Variants in MYO1C observed in about 807,000 individuals in gnomAD.
MYO1C encodes the protein unconventional myosin-Ic.
Under a neutral mutation model 150.8 loss-of-function variants are expected in MYO1C, and 104 were observed. The ratio of observed to expected loss-of-function variants is 0.69; its 90% CI spans 0.59 to 0.81. The LOEUF is 0.81. Ranked by LOEUF, MYO1C falls within the 30% of genes least tolerant of loss-of-function variation. The pLI, the probability that MYO1C is intolerant of heterozygous loss-of-function variation, is 0.00. For missense variants in MYO1C, 1,504 were observed against 1,435.0 expected, an observed-to-expected ratio of 1.05 and a Z score of -0.78; for synonymous variants, 663 against 579.9, an observed-to-expected ratio of 1.14 and a Z score of -2.06.
At chr17:1,484,872 T>TTCCCCCCCCCCCCCCCCCC in intron 1 of MYO1C, 8 of 341,196 alleles carry the variant, frequency 2.3e-5, no homozygotes, top group East Asian at 9.1e-5. Flanking sequence ...GGGCCGTCTC[T>TTCCCCCCCCCCCCCCCCCC]CCCACCCAGA....
At chr17:1,471,019 C>G in intron 21 of MYO1C, 52 bp downstream of exon 21, 1 of 1,587,090 alleles carries the variant, frequency 6.3e-7, no homozygotes, top group Non-Finnish European at 8.6e-7. Flanking sequence ...AGTGACTTCC[C>G]TGCTTCCCAG....
chr17:1,467,262 T>C lies in MYO1C; in HGVS notation c.3145A>G (p.Lys1049Glu). ...PGSELLITKA[K>E]NGHLAVVAPR... ...CTCACCACAGCCAGGTGCCCGTTCTTGGCCTTGGTGATGAGCAGCTCCGAG... is the reference window on the plus strand; with the variant it reads ...CTCACCACAGCCAGGTGCCCGTTCTCGGCCTTGGTGATGAGCAGCTCCGAG... Residue 1049 changes from lysine to glutamate, a missense_variant, in exon 31 of 32, where the codon AAG becomes GAG. Coordinates refer to ENST00000648651, the MANE Select transcript of MYO1C (RefSeq NM_001080779.2). 6.2e-7 allele frequency: 1 copy of C among 1,613,258 alleles called. No individual in the cohort carries two copies. Among genetic ancestry groups the C allele is most frequent in the Non-Finnish European group, 8.5e-7 (1 of 1,179,688 alleles).
In MYO1C at chr17:1,480,602, G is replaced by A; in HGVS notation, c.831C>T (p.Ser277=). ...CCTTCCAGTCACTCTTGTCGTTGAT[G>A]GAGGAGACTTTGGCACACTGGCCCT... is the stretch of plus-strand genomic sequence containing the variant. The part of the protein sequence containing the change: ...LVKGQCAKVS[S]INDKSDWKVV... Residue 277 remains serine, a synonymous_variant, in exon 7 of 32, where the codon TCC becomes TCT. Transcript: ENST00000648651. 2 of 1,614,164 alleles carry A rather than the reference G, an allele frequency of 1.2e-6. No homozygotes were observed. Among genetic ancestry groups the A allele is most frequent in the South Asian group, 1.1e-5 (1 of 91,082 alleles).
intron 1 of MYO1C, chr17:1,491,760 C>T: frequency 1.7e-6 from 1 of 596,516 alleles, no homozygotes; most frequent in Non-Finnish European, 2.1e-6. Flanking sequence ...CCCCGCCCCG[C>T]CCCGCCTCAG....
Position 1,479,826 on chromosome 17 carries a change from G to T in MYO1C, c.907-121C>A. The T allele has an allele frequency of 1.4e-6, 1 of 700,824 alleles. No homozygotes were observed. Among genetic ancestry groups the T allele is most frequent in the Non-Finnish European group, 2.5e-6 (1 of 403,356 alleles). The allele number at this position is 700,824 out of a possible 1,614,324, so 43.4% of individuals were successfully genotyped here. A position where few individuals can be genotyped will look rare whatever the true frequency, so the allele number is the denominator to read the frequency against. ...TGTCGGAGAGAAGGGGCTGGAAGTG[G>T]GAATGGGTGTTAAAGGTGGAAGGTG... On this transcript the variant is annotated intron_variant, in intron 7 of 31. Coordinates refer to ENST00000648651, the MANE Select transcript of MYO1C (RefSeq NM_001080779.2). This position sits in a 1 kb window ranked among gnomAD's most constrained non-coding sequence, Gnocchi z 4.2.
rs774823617 is a variant in MYO1C at position 1,468,379 on chromosome 17, A to C, written c.2704+24T>G. ...GACCAGGATGGTGACGAAAGGTCTG[A>C]GTGCTGGAAAGTCAGGGGCTCACCA... On this transcript the variant is annotated intron_variant, in intron 26 of 31. Coordinates refer to ENST00000648651, the MANE Select transcript of MYO1C (RefSeq NM_001080779.2). 4 of 1,613,318 alleles carry C rather than the reference A, an allele frequency of 2.5e-6. No individual in the cohort carries two copies. In the African/African-American group the frequency reaches 5.3e-5, roughly 22 times the overall value.
chr17:1,470,721 A>G, intron 21 of MYO1C, 32 bp from the exon 22 acceptor site: 1 of 1,588,774 alleles, frequency 6.3e-7, no homozygotes, highest in Non-Finnish European at 8.5e-7. Context: ...AATTGGCCAG[A>G]GCGCGGGGAG....
intron 14 of MYO1C, among the ~76,000 whole-genome samples, chr17:1,475,469 C>T (rs746153643): frequency 7.9e-5 from 12 of 152,082 alleles, no homozygotes; most frequent in South Asian, 2.1e-4. Context: ...CTGATCAGAG[C>T]GGACCATGGA....
At chr17:1,491,795 G>T (rs1598352469) in intron 1 of MYO1C, 2 of 364,502 alleles carry the variant, frequency 5.5e-6, no homozygotes, top group African/African-American at 4.4e-5. Context: ...GCGAAGCCTC[G>T]GTGCGTGCGG....
At chr17:1,477,416 G>T in intron 14 of MYO1C, 89 bp downstream of exon 14, 1 of 1,191,588 alleles carries the variant, frequency 8.4e-7, no homozygotes, top group Non-Finnish European at 1.2e-6. Flanking sequence ...CTTGTGGCTG[G>T]TGTTTTGTGA....
At chr17:1,483,865 G>A in intron 2 of MYO1C, 140 bp from the exon 3 acceptor site, 1 of 739,266 alleles carries the variant, frequency 1.4e-6, no homozygotes, top group Non-Finnish European at 2.3e-6. Flanking sequence ...CCAACATGGA[G>A]AAATCCGTCT....
chr17:1,471,126 G>T lies in MYO1C; in HGVS notation c.2157C>A (p.Phe719Leu), dbSNP rs776806827. The T allele has an allele frequency of 5.6e-6, 9 of 1,614,038 alleles. No homozygotes were observed. In the East Asian group the frequency reaches 2.0e-4, roughly 36 times the overall value. The change falls in exon 21 of 32, where the codon TTC becomes TTA. Residue 719 changes from phenylalanine to leucine, a missense_variant. Transcript: ENST00000648651. Reference sequence around the variant, plus strand: ...CCTCTGTGGCAAACAGGGTCTTGGGGAAGCGGATGAAGATCTTGGTCCTGG... The same window carrying T: ...CCTCTGTGGCAAACAGGGTCTTGGGTAAGCGGATGAAGATCTTGGTCCTGG... ...KMGRTKIFIR[F>L]PKTLFATEDA...
At chr17:1,470,954 C>G in intron 21 of MYO1C, 117 bp downstream of exon 21, 1 of 1,173,236 alleles carries the variant, frequency 8.5e-7, no homozygotes, top group Non-Finnish European at 1.2e-6. Flanking sequence ...TGGAGCTGGG[C>G]GTGGGGCTGG....
Position 1,474,980 on chromosome 17 carries a change from G to A in MYO1C, c.1627C>T (p.Arg543Cys), listed in dbSNP as rs145258775. The change falls in exon 15 of 32, where the codon CGC (arginine) becomes TGC (cysteine). Residue 543 changes from arginine (R) to cysteine (C), a missense_variant. Transcript: ENST00000648651. ...ACCTCCCCCGCATAGTGCAGAAGGCGGAATTCCCCTCGGCCCAGAGATTTC... is the reference window on the plus strand; with the variant it reads ...ACCTCCCCCGCATAGTGCAGAAGGCAGAATTCCCCTCGGCCCAGAGATTTC... The part of the protein sequence containing the change: ...TRKSLGRGEF[R>C]LLHYAGEVTY... 222 of 1,564,122 alleles carry A rather than the reference G, an allele frequency of 1.4e-4. 2 individuals carry two copies. The African/African-American group carries it at 2.3e-3, about 16-fold the overall frequency.
intron 7 of MYO1C, among the ~76,000 whole-genome samples, chr17:1,480,298 A>G (rs1457700561): frequency 1.3e-5 from 2 of 151,638 alleles, no homozygotes; most frequent in Non-Finnish European, 2.9e-5. Context: ...ACTACAAAAA[A>G]TTAGCTGGGC....
In MYO1C at chr17:1,479,676, A is replaced by G; in HGVS notation, c.936T>C (p.Leu312=). The G allele has an allele frequency of 1.9e-6, 3 of 1,613,064 alleles. No individual in the cohort carries two copies. Among genetic ancestry groups the G allele is most frequent in the Non-Finnish European group, 2.5e-6 (3 of 1,179,700 alleles). ...CAGCAAAGTGGATGTTGCCCAAATG[A>G]AGGACGCTGGCCACGATGCTCAGCA... ...EDLLSIVASV[L]HLGNIHFAAN... Residue 312 remains leucine, a synonymous_variant, in exon 8 of 32, where the codon CTT becomes CTC. Coordinates refer to ENST00000648651, the MANE Select transcript of MYO1C (RefSeq NM_001080779.2). This position sits in a 1 kb window ranked among gnomAD's most constrained non-coding sequence, Gnocchi z 4.2.
rs75255685 is a variant in MYO1C, at chr17:1,472,239, A to G, written c.1798-11T>C. Reference sequence around the variant, plus strand: ...GAACTGGGTGGCGACCTGGCGAGCCAAGAGGCATGGGAGGTTGGCCGGAGC... The same window carrying G: ...GAACTGGGTGGCGACCTGGCGAGCCGAGAGGCATGGGAGGTTGGCCGGAGC... On this transcript the variant is annotated splice_polypyrimidine_tract_variant and intron_variant, in intron 17 of 31. Coordinates refer to ENST00000648651, the MANE Select transcript of MYO1C (RefSeq NM_001080779.2). The G allele has an allele frequency of 0.023, 37,554 of 1,613,292 alleles. 502 individuals carry two copies. The highest frequency in any genetic ancestry group is 0.027 in the Non-Finnish European group (31,707 of 1,179,336).
Position 1,479,537 on chromosome 17 carries a change from AC to A in MYO1C, c.1021-36del. 2.0e-6 allele frequency: 3 copies of A among 1,470,800 alleles called. No individual in the cohort carries two copies. Among genetic ancestry groups the A allele is most frequent in the Non-Finnish European group, 2.8e-6 (3 of 1,072,222 alleles). The allele number at this position is 1,470,800 out of a possible 1,614,324, so 91.1% of individuals were successfully genotyped here. On this transcript the variant is annotated intron_variant, in intron 8 of 31. Coordinates refer to ENST00000648651, the MANE Select transcript of MYO1C (RefSeq NM_001080779.2). This position sits in a 1 kb window ranked among gnomAD's most constrained non-coding sequence, Gnocchi z 4.2. ...GCAGGCGAGGACACGGTGAGGGTGC[AC>A]CCCCAGCCCCCGCCCCCGCCGTCCT... is the stretch of plus-strand genomic sequence containing the variant.
intron 31 of MYO1C, among the ~76,000 whole-genome samples, chr17:1,466,965 C>T (rs1329295650): frequency 1.3e-5 from 2 of 151,496 alleles, no homozygotes; most frequent in Non-Finnish European, 2.9e-5. Flanking sequence ...GCCATGTTGG[C>T]CAGGCTGGTT....
Sources: gnomAD v4.1 joint callset for allele counts (sites outside exome capture counted in the v4.1 genomes callset) on GRCh38, gnomAD v4.1.1 for gene constraint, Gnocchi (gnomAD v3.1) non-coding constraint, MANE v1.5 for transcripts, NCBI Gene and HGNC (gene_info 2026-07-23, HGNC 2026-07-21) for gene names.